Variants in VEGFD observed in about 807,000 individuals in gnomAD.
VEGFD encodes the protein vascular endothelial growth factor D.
Under a neutral mutation model 28.0 loss-of-function variants are expected in VEGFD, and 26 were observed. The observed-to-expected ratio is 0.93, with a 90% CI of 0.68 to 1.29. The LOEUF (loss-of-function observed/expected upper bound fraction) is 1.29, where lower values mean the gene tolerates loss of function less well. Ranked by LOEUF, VEGFD falls within the 50% of genes most tolerant of loss-of-function variation. The pLI, the probability that VEGFD is intolerant of heterozygous loss-of-function variation, is 0.00. For synonymous variants in VEGFD, 93 were observed against 95.5 expected (o/e 0.97, Z 0.15); for missense variants, 294 against 273.4 (o/e 1.08, Z -0.53).
rs748886659 is a variant in VEGFD, at chrX:15,376,388, G to A, written c.90+7469C>T. Among the ~76,000 whole-genome samples, 3 of 112,079 alleles carry A rather than the reference G, an allele frequency of 2.7e-5. No individual in the cohort carries two copies. In the East Asian group the frequency reaches 8.4e-4, roughly 31 times the overall value. On this transcript the variant is annotated intron_variant, in intron 1 of 6. Transcript: ENST00000297904. ...AGCCTTAATCCTCTGACTCCCAGCT[G>A]ACTTGGAGACATAAGTGAGAATAAG...
At position 15,384,024 on chromosome X, in the gene VEGFD, T is replaced by C. The variant is rs1174627048; in HGVS notation, c.-78A>G. ...GAGAAAATTGTTTCAAAAGGCATTC[T>C]CCAGAAGGAAAGTTTGAAACCTCAA... On this transcript the variant is annotated 5_prime_UTR_variant, in exon 1 of 7. Transcript: ENST00000297904. 8 of 731,396 alleles carry C rather than the reference T, an allele frequency of 1.1e-5. 1 individual carries two copies. Among genetic ancestry groups the C allele is most frequent in the Middle Eastern group, 5.8e-4 (2 of 3,421 alleles). 60.3% of individuals were successfully genotyped at this position (731,396 alleles called of 1,213,427 possible). A position where few individuals can be genotyped will look rare whatever the true frequency, so the allele number is the denominator to read the frequency against.
At chrX:15,370,466 T>A (rs964162529) in intron 1 of VEGFD, among the ~76,000 whole-genome samples, 6 of 112,129 alleles carry the variant, frequency 5.4e-5, no homozygotes, top group African/African-American at 1.6e-4. Context: ...ATGAAGTCCC[T>A]AACTTAGACT....
At chrX:15,382,240 A>G (rs1923597774) in intron 1 of VEGFD, among the ~76,000 whole-genome samples, 2 of 110,574 alleles carry the variant, frequency 1.8e-5, no homozygotes, top group Non-Finnish European at 3.8e-5. Context: ...GAATCACTTG[A>G]ACCCGGGAGG....
At chrX:15,379,390 G>C (rs1163483169) in intron 1 of VEGFD, among the ~76,000 whole-genome samples, 1 of 111,714 alleles carries the variant, frequency 9.0e-6, no homozygotes, top group Non-Finnish European at 1.9e-5. Context: ...TCTAATGAGA[G>C]ACTAGGCAGA....
chrX:15,354,172 C>T (rs986378844), intron 4 of VEGFD, among the ~76,000 whole-genome samples: 1 of 109,359 alleles, frequency 9.1e-6, no homozygotes, highest in East Asian at 2.9e-4. Context: ...GGAGTTGCAC[C>T]GTGTTAGCCA....
chrX:15,359,881 C>T (rs1922967960), intron 2 of VEGFD, among the ~76,000 whole-genome samples: 1 of 112,202 alleles, frequency 8.9e-6, no homozygotes, highest in Non-Finnish European at 1.9e-5. Flanking sequence ...CCTCCAGAGA[C>T]ATCTGAAGCA....
chrX:15,374,047 C>T (rs1923376387), intron 1 of VEGFD, among the ~76,000 whole-genome samples: 1 of 111,797 alleles, frequency 8.9e-6, no homozygotes, highest in African/African-American at 3.2e-5. Context: ...CAAGATGAAG[C>T]TTTGCCTAAT....
At chrX:15,369,641 T>C (rs1447818563) in intron 1 of VEGFD, among the ~76,000 whole-genome samples, 1 of 111,182 alleles carries the variant, frequency 9.0e-6, no homozygotes, top group African/African-American at 3.3e-5. Flanking sequence ...CTAATTCCAA[T>C]CCTAAGTTTC....
chrX:15,380,559 A>G (rs1156482581), intron 1 of VEGFD, among the ~76,000 whole-genome samples: 1 of 113,027 alleles, frequency 8.8e-6, no homozygotes, highest in African/African-American at 3.2e-5. Flanking sequence ...GTCAGAAAAA[A>G]GTTGTGAAAG....
rs140462661 is a variant in VEGFD at position 15,352,975 on chromosome X, C to T, written c.742+93G>A. Reference sequence around the variant, plus strand: ...GTTAAAACATATACAAGATTTACAACATTGTCTGGTCATACTAAGTACTCA... The same window carrying T: ...GTTAAAACATATACAAGATTTACAATATTGTCTGGTCATACTAAGTACTCA... On this transcript the variant is annotated intron_variant, in intron 5 of 6. Transcript: ENST00000297904. 257 of 375,239 alleles carry T rather than the reference C, an allele frequency of 6.8e-4. 1 individual carries two copies. The highest frequency in any genetic ancestry group is 6.1e-3 in the African/African-American group (236 of 38,532). The allele number at this position is 375,239 out of a possible 1,213,427, so 30.9% of individuals were successfully genotyped here. A position where few individuals can be genotyped will look rare whatever the true frequency, so the allele number is the denominator to read the frequency against.
rs1922541998 is a variant in VEGFD, at chrX:15,346,169, C to A, written c.1029G>T (p.Arg343Ser). Residue 343 changes from arginine (R) to serine (S), a missense_variant, in exon 7 of 7, where the codon AGG (arginine) becomes AGT (serine). By Grantham distance (110) the Arg-to-Ser change is moderately radical (BLOSUM62 -1). Coordinates refer to ENST00000297904, the MANE Select transcript of VEGFD (RefSeq NM_004469.5). Reference sequence around the variant, plus strand: ...TTCGGCTGTGGGGCCCCTGGGCAGCCCTTTTCTCCTTTGGAAAGCGGCAAT... The same window carrying A: ...TTCGGCTGTGGGGCCCCTGGGCAGCACTTTTCTCCTTTGGAAAGCGGCAAT... ...AKHCRFPKEKRAAQGPHSRKN... is the reference protein window; with the variant it reads ...AKHCRFPKEKSAAQGPHSRKN... The A allele has an allele frequency of 5.0e-6, 6 of 1,211,393 alleles. No homozygotes were observed. Among genetic ancestry groups the A allele is most frequent in the East Asian group, 3.0e-5 (1 of 33,840 alleles).
At chrX:15,357,287 C>T (rs1386941384) in intron 3 of VEGFD, among the ~76,000 whole-genome samples, 1 of 111,533 alleles carries the variant, frequency 9.0e-6, no homozygotes, top group African/African-American at 3.3e-5. Flanking sequence ...CTTTGCCCCT[C>T]CAGAGACACC....
chrX:15,347,684 A>G (rs769946166), intron 5 of VEGFD, among the ~76,000 whole-genome samples: 12 of 112,238 alleles, frequency 1.1e-4, no homozygotes, highest in Non-Finnish European at 1.9e-4. Flanking sequence ...GTAATAAAAT[A>G]TAGGATGTCT....
Position 15,362,026 on chromosome X carries a change from GC to G in VEGFD, c.301+1082del, listed in dbSNP as rs765610172. ...TGGGATTACAGGCATGCACCGCCAT[GC>G]CTGGCTAATTTTGTATTTTTAGTAG... is the stretch of plus-strand genomic sequence containing the variant. On this transcript the variant is annotated intron_variant, in intron 2 of 6. Coordinates refer to ENST00000297904, the MANE Select transcript of VEGFD (RefSeq NM_004469.5). 1.4e-4 allele frequency among the ~76,000 whole-genome samples: 15 copies of G among 110,832 alleles called. No individual in the cohort carries two copies. In the East Asian group the frequency reaches 4.3e-3, roughly 32 times the overall value.
chrX:15,378,593 G>A (rs1923492272), intron 1 of VEGFD, among the ~76,000 whole-genome samples: 1 of 111,347 alleles, frequency 9.0e-6, no homozygotes, highest in Admixed American at 9.5e-5. Flanking sequence ...TCTAGTAGAC[G>A]GTGACAAAGC....
intron 6 of VEGFD, 94 bp downstream of exon 6, chrX:15,347,070 G>A: frequency 1.2e-6 from 1 of 843,151 alleles, no homozygotes; most frequent in Non-Finnish European, 1.7e-6. Flanking sequence ...CAGGCACCAA[G>A]GGGAAAAATT....
intron 5 of VEGFD, among the ~76,000 whole-genome samples, chrX:15,347,787 A>T (rs1922592501): frequency 8.9e-6 from 1 of 111,735 alleles, no homozygotes; most frequent in African/African-American, 3.3e-5. Flanking sequence ...CACCTCAGAC[A>T]TTCCAGGCCA....
At position 15,353,019 on chromosome X, in the gene VEGFD, G is replaced by T. The variant is rs190167871; in HGVS notation, c.742+49C>A. ...GTACTCAATAACGGTTGCTGCTATT[G>T]TTGCTACTTTTATTATTACTGTTAT... On this transcript the variant is annotated intron_variant, in intron 5 of 6. Transcript: ENST00000297904. The T allele has an allele frequency of 3.0e-4, 225 of 741,100 alleles. No homozygotes were observed. In the African/African-American group the frequency reaches 4.4e-3, roughly 15 times the overall value. The allele number at this position is 741,100 out of a possible 1,213,427, so 61.1% of individuals were successfully genotyped here. A position where few individuals can be genotyped will look rare whatever the true frequency, so the allele number is the denominator to read the frequency against.
At chrX:15,351,646 A>G (rs1922734151) in intron 5 of VEGFD, among the ~76,000 whole-genome samples, 1 of 112,296 alleles carries the variant, frequency 8.9e-6, no homozygotes, top group Admixed American at 9.4e-5. Flanking sequence ...CTGTCCAACA[A>G]GGTAGCTATG....
Sources: allele counts gnomAD v4.1 joint callset (sites outside exome capture counted in the v4.1 genomes callset), GRCh38; gene constraint gnomAD v4.1.1; transcripts MANE v1.5; gene names NCBI Gene and HGNC (gene_info 2026-07-23, HGNC 2026-07-21).